Variants in PARM1 observed in about 807,000 individuals in gnomAD.
The protein encoded by PARM1 is prostate androgen-regulated mucin-like protein 1, also known as WSC4, cell wall integrity and stress response component 4 homolog.
A neutral mutation model predicts 24.6 loss-of-function variants in PARM1; 14 were observed. The ratio of observed to expected loss-of-function variants is 0.57; its 90% CI spans 0.38 to 0.89. PARM1 has a LOEUF of 0.89. Ranked by LOEUF, PARM1 falls within the 40% of genes least tolerant of loss-of-function variation. The pLI, the probability that PARM1 is intolerant of heterozygous loss-of-function variation, is 0.00. For missense variants in PARM1, 362 were observed against 380.4 expected, an observed-to-expected ratio of 0.95 and a Z score of 0.40; for synonymous variants, 179 against 156.6, an observed-to-expected ratio of 1.14 and a Z score of -1.07.
chr4:75,007,216 C>G (rs562475040), intron 1 of PARM1, among the ~76,000 whole-genome samples: 138 of 152,320 alleles, frequency 9.1e-4, no homozygotes, highest in African/African-American at 3.3e-3. Context: ...ATTAAAAAGT[C>G]AGGAAACAAC....
rs1295769665 is a variant in PARM1 at position 75,049,204 on chromosome 4, A to T, written c.*2957A>T. On this transcript the variant is annotated 3_prime_UTR_variant, in exon 4 of 4. Coordinates refer to ENST00000307428, the MANE Select transcript of PARM1 (RefSeq NM_015393.4). Reference sequence around the variant, plus strand: ...TTTCTTTTCCTGTGGCCCCAGTGAAACCTCCTGCCCTCCCTGCACGTCTGT... The same window carrying T: ...TTTCTTTTCCTGTGGCCCCAGTGAATCCTCCTGCCCTCCCTGCACGTCTGT... The T allele has an allele frequency of 6.6e-6, 1 of 151,070 alleles. No homozygotes were observed. Among genetic ancestry groups the T allele is most frequent in the Non-Finnish European group, 1.5e-5 (1 of 67,804 alleles). 9.4% of individuals were successfully genotyped at this position (151,070 alleles called of 1,614,324 possible).
At chr4:74,950,038 G>A (rs1400877548) in intron 1 of PARM1, among the ~76,000 whole-genome samples, 1 of 152,086 alleles carries the variant, frequency 6.6e-6, no homozygotes, top group South Asian at 2.1e-4. Flanking sequence ...TGGGTAGAAA[G>A]GGAAATATGT....
intron 3 of PARM1, among the ~76,000 whole-genome samples, chr4:75,038,781 A>G (rs1037995596): frequency 6.6e-6 from 1 of 152,230 alleles, no homozygotes; most frequent in Non-Finnish European, 1.5e-5. Context: ...AGAATGAGAT[A>G]AGTCTGTTTT....
chr4:74,972,898 T>G (rs1015552188), intron 1 of PARM1, among the ~76,000 whole-genome samples: 1 of 152,208 alleles, frequency 6.6e-6, no homozygotes, highest in African/African-American at 2.4e-5. Flanking sequence ...TGCAAGCTGA[T>G]ACAGTGTAGT....
In PARM1 at chr4:74,933,240, A is replaced by T; in HGVS notation, c.-88A>T. On this transcript the variant is annotated 5_prime_UTR_variant, in exon 1 of 4. Transcript: ENST00000307428. ...GCTCCCACCGCAGCCCACCCGGCAG[A>T]GGAGTCGCTACCAGCGCCCAGTGCG... The T allele has an allele frequency of 8.5e-7, 1 of 1,174,092 alleles. No homozygotes were observed. The highest frequency in any genetic ancestry group is 1.3e-5 in the South Asian group (1 of 77,470). The allele number at this position is 1,174,092 out of a possible 1,614,324, so 72.7% of individuals were successfully genotyped here. A position where few individuals can be genotyped will look rare whatever the true frequency, so the allele number is the denominator to read the frequency against.
Position 75,048,099 on chromosome 4 carries a change from G to A in PARM1, c.*1852G>A, listed in dbSNP as rs1275757353. 6.6e-6 allele frequency: 1 copy of A among 152,014 alleles called. No homozygotes were observed. Among genetic ancestry groups the A allele is most frequent in the African/African-American group, 2.4e-5 (1 of 41,386 alleles). 9.4% of individuals were successfully genotyped at this position (152,014 alleles called of 1,614,324 possible). The stretch of plus-strand genomic sequence containing the variant: ...GTTTAGTTTACAGAAACTTGACCCC[G>A]GCTCATCCTGTCTCTGGCTGTGGCC... On this transcript the variant is annotated 3_prime_UTR_variant, in exon 4 of 4. Transcript: ENST00000307428.
chr4:74,983,370 C>T (rs1019689694), intron 1 of PARM1, among the ~76,000 whole-genome samples: 2 of 152,146 alleles, frequency 1.3e-5, no homozygotes, highest in African/African-American at 4.8e-5. Flanking sequence ...ACTCAGGAGA[C>T]AAAACAGACT....
intron 2 of PARM1, among the ~76,000 whole-genome samples, chr4:75,025,483 T>A (rs1723165512): frequency 6.6e-6 from 1 of 152,140 alleles, no homozygotes; most frequent in African/African-American, 2.4e-5. Context: ...ACAGTTAAAA[T>A]AAATTCCAAG....
chr4:74,934,882 GT>G (rs1578018389), intron 1 of PARM1, among the ~76,000 whole-genome samples: 5 of 151,204 alleles, frequency 3.3e-5, no homozygotes, highest in African/African-American at 1.2e-4. Flanking sequence ...GGCTTGTCTT[GT>G]TTATTTAATC....
chr4:75,005,640 A>T (rs1722756724), intron 1 of PARM1, among the ~76,000 whole-genome samples: 1 of 152,180 alleles, frequency 6.6e-6, no homozygotes, highest in South Asian at 2.1e-4. Flanking sequence ...ACCAAGCCAA[A>T]CACTAGCTCT....
At chr4:74,938,946 G>C (rs1421814643) in intron 1 of PARM1, among the ~76,000 whole-genome samples, 1 of 152,088 alleles carries the variant, frequency 6.6e-6, no homozygotes, top group Admixed American at 6.5e-5. Context: ...TTTTCCTTTG[G>C]CTAGTATTGC....
intron 3 of PARM1, among the ~76,000 whole-genome samples, chr4:75,044,747 A>G (rs916847238): frequency 3.6e-5 from 5 of 137,244 alleles, no homozygotes; most frequent in Non-Finnish European, 6.2e-5. Flanking sequence ...AATTTACAAA[A>G]GAAAGAGGTT....
intron 1 of PARM1, among the ~76,000 whole-genome samples, chr4:75,007,230 T>C (rs1722790480): frequency 6.6e-6 from 1 of 152,114 alleles, no homozygotes; most frequent in Non-Finnish European, 1.5e-5. Flanking sequence ...AAACAACAGG[T>C]GCTGGAGAGG....
At chr4:74,942,482 C>T (rs1455175265) in intron 1 of PARM1, among the ~76,000 whole-genome samples, 1 of 152,232 alleles carries the variant, frequency 6.6e-6, no homozygotes, top group Non-Finnish European at 1.5e-5. Flanking sequence ...AACTGAGCTC[C>T]TAGACTTTCT....
intron 1 of PARM1, among the ~76,000 whole-genome samples, chr4:74,974,207 G>A (rs1477339332): frequency 1.3e-5 from 2 of 152,180 alleles, no homozygotes; most frequent in African/African-American, 4.8e-5. Context: ...TTTGAGGAGG[G>A]CAAACTACTT....
chr4:75,001,067 G>T (rs1022781389), intron 1 of PARM1, among the ~76,000 whole-genome samples: 1 of 152,132 alleles, frequency 6.6e-6, no homozygotes, highest in Non-Finnish European at 1.5e-5. Flanking sequence ...TTGTAAGATG[G>T]AGATATAATA....
At chr4:74,976,161 A>G (rs1331777689) in intron 1 of PARM1, among the ~76,000 whole-genome samples, 1 of 152,110 alleles carries the variant, frequency 6.6e-6, no homozygotes, top group Non-Finnish European at 1.5e-5. Flanking sequence ...TGGCTGCTTG[A>G]GTTGTAGCCA....
At chr4:75,037,630 C>T (rs187565594) in intron 3 of PARM1, among the ~76,000 whole-genome samples, 1 of 152,230 alleles carries the variant, frequency 6.6e-6, no homozygotes, top group East Asian at 1.9e-4. Flanking sequence ...AAATGAACTG[C>T]CCTGAACCCA....
At chr4:74,988,478 A>G (rs1402855643) in intron 1 of PARM1, among the ~76,000 whole-genome samples, 2 of 152,146 alleles carry the variant, frequency 1.3e-5, no homozygotes, top group African/African-American at 4.8e-5. Flanking sequence ...GATAAGAGAG[A>G]CATGGGAAGA....
Sources: gnomAD v4.1 joint callset for allele counts (sites outside exome capture counted in the v4.1 genomes callset) on GRCh38, gnomAD v4.1.1 for gene constraint, MANE v1.5 for transcripts, NCBI Gene and HGNC (gene_info 2026-07-23, HGNC 2026-07-21) for gene names.